NT5C3A: variants seen among roughly 807,000 people sequenced by gnomAD.
The protein encoded by NT5C3A is cytosolic 5'-nucleotidase 3A.
A neutral mutation model predicts 40.0 loss-of-function variants in NT5C3A; 23 were observed. The ratio of observed to expected loss-of-function variants is 0.58; its 90% confidence interval spans 0.41 to 0.81. The LOEUF (loss-of-function observed/expected upper bound fraction) is 0.81, where lower values mean the gene tolerates loss of function less well. Among genes scored for constraint, NT5C3A ranks in the 40% least tolerant of loss-of-function variants. NT5C3A has a pLI of 0.00. For synonymous variants in NT5C3A, 130 were observed against 141.4 expected (o/e 0.92, Z 0.57); for missense variants, 328 against 403.0 (o/e 0.81, Z 1.59).
intron 1 of NT5C3A, among the ~76,000 whole-genome samples, chr7:33,048,878 G>A (rs1787256922): frequency 6.6e-6 from 1 of 152,024 alleles, no homozygotes; most frequent in African/African-American, 2.4e-5. Context: ...CAAATCTGAG[G>A]GCTCAAATGG....
intron 1 of NT5C3A, among the ~76,000 whole-genome samples, chr7:33,031,812 CATTT>C (rs1273357611): frequency 2.6e-5 from 4 of 151,692 alleles, no homozygotes; most frequent in Non-Finnish European, 4.4e-5. Context: ...ATATGAGTTT[CATTT>C]ATTTATTATT....
At chr7:33,033,204 A>G (rs1018822819) in intron 1 of NT5C3A, among the ~76,000 whole-genome samples, 8 of 152,232 alleles carry the variant, frequency 5.3e-5, no homozygotes, top group Admixed American at 2.6e-4. Context: ...GGTAGCAACA[A>G]AAGACTTCAT....
In NT5C3A at chr7:33,014,558, T is replaced by G; in HGVS notation, c.*172A>C. The G allele has an allele frequency of 1.1e-6, 1 of 902,086 alleles. No homozygotes were observed. The highest frequency in any genetic ancestry group is 1.7e-6 in the Non-Finnish European group (1 of 582,482). The allele number at this position is 902,086 out of a possible 1,614,324, so 55.9% of individuals were successfully genotyped here. Reference sequence around the variant, plus strand: ...ACGGTGAGGAGTGTGTTGAGAGAGGTGGAGAAAAGGAGCTTCCAGTCAATG... The same window carrying G: ...ACGGTGAGGAGTGTGTTGAGAGAGGGGGAGAAAAGGAGCTTCCAGTCAATG... On this transcript the variant is annotated 3_prime_UTR_variant, in exon 9 of 9. Coordinates refer to ENST00000610140, the MANE Select transcript of NT5C3A (RefSeq NM_001002010.5).
At chr7:33,061,015 T>C (rs1787753833) in intron 1 of NT5C3A, among the ~76,000 whole-genome samples, 1 of 152,272 alleles carries the variant, frequency 6.6e-6, no homozygotes, top group Admixed American at 6.5e-5. Context: ...CTTCATTATT[T>C]GTCACAAAGA....
intron 1 of NT5C3A, chr7:33,039,036 T>C (rs1786763827): frequency 2.3e-5 from 9 of 394,044 alleles, no homozygotes; most frequent in South Asian, 1.7e-4. Context: ...TTGTATGAGA[T>C]TAAGGTCTCT....
At chr7:33,018,385 T>C (rs538661969) in intron 6 of NT5C3A, among the ~76,000 whole-genome samples, 2 of 152,356 alleles carry the variant, frequency 1.3e-5, no homozygotes, top group South Asian at 2.1e-4. Flanking sequence ...AGAATGCTAA[T>C]GTTGCCTACT....
At chr7:33,052,942 G>C (rs193243466) in intron 1 of NT5C3A, among the ~76,000 whole-genome samples, 11 of 152,250 alleles carry the variant, frequency 7.2e-5, no homozygotes, top group African/African-American at 2.6e-4. Context: ...AGTACCATTG[G>C]TGTAAAACAC....
At chr7:33,042,748 A>C (rs1029608414) in intron 1 of NT5C3A, among the ~76,000 whole-genome samples, 1 of 152,220 alleles carries the variant, frequency 6.6e-6, no homozygotes, top group Admixed American at 6.5e-5. Context: ...CCTTTGACAC[A>C]TCAATTTTGT....
chr7:33,055,601 T>A (rs1005372754), intron 1 of NT5C3A, among the ~76,000 whole-genome samples: 1 of 152,174 alleles, frequency 6.6e-6, no homozygotes, highest in Non-Finnish European at 1.5e-5. Flanking sequence ...GCCTGAAACA[T>A]GGACGCATTG....
intron 1 of NT5C3A, chr7:33,029,398 T>C (rs942532594): frequency 3.0e-6 from 1 of 336,282 alleles, no homozygotes. Flanking sequence ...ACTGCTGTTT[T>C]GGAATATCAC....
Position 33,026,840 on chromosome 7 carries a change from T to C in NT5C3A, c.214A>G (p.Lys72Glu). ...RVEEIICGLIKGGAAKLQIIT... is the reference protein window; with the variant it reads ...RVEEIICGLIEGGAAKLQIIT... The stretch of plus-strand genomic sequence containing the variant: ...ACCTGAAGTTTGGCAGCTCCTCCTT[T>C]GATAAGACCACAGATAATTTCTTCT... Residue 72 changes from lysine (K) to glutamate (E), a missense_variant, in exon 2 of 9, where the codon AAA becomes GAA. Coordinates refer to ENST00000610140, the MANE Select transcript of NT5C3A (RefSeq NM_001002010.5). The C allele has an allele frequency of 6.2e-7, 1 of 1,611,726 alleles. No individual in the cohort carries two copies. The highest frequency in any genetic ancestry group is 8.5e-7 in the Non-Finnish European group (1 of 1,179,384).
At chr7:33,014,907 T>C (rs1785242067) in intron 8 of NT5C3A, 76 bp from the exon 9 acceptor site, 2 of 1,272,098 alleles carry the variant, frequency 1.6e-6, no homozygotes, top group South Asian at 2.5e-5. Flanking sequence ...ATCTCGTTGT[T>C]AGATCTCTTG....
chr7:33,025,126 A>G (rs1179416055), intron 2 of NT5C3A, among the ~76,000 whole-genome samples: 1 of 152,164 alleles, frequency 6.6e-6, no homozygotes, highest in Non-Finnish European at 1.5e-5. Context: ...GCGACAGAAT[A>G]AGACTCCATC....
Position 33,052,852 on chromosome 7 carries a change from G to A in NT5C3A, c.138+9716C>T, listed in dbSNP as rs188591896. On this transcript the variant is annotated intron_variant, in intron 1 of 8. Coordinates refer to ENST00000610140, the MANE Select transcript of NT5C3A (RefSeq NM_001002010.5). ...CCAACCTCAAAGTTTCTGATTGTTT[G>A]TCTGGAGTAGGACTAGATAACTCGC... Among the ~76,000 whole-genome samples, 11 of 152,300 alleles carry A rather than the reference G, an allele frequency of 7.2e-5. No individual in the cohort carries two copies. The East Asian group carries it at 2.1e-3, about 29-fold the overall frequency.
chr7:33,022,966 G>A (rs919394211), intron 3 of NT5C3A, among the ~76,000 whole-genome samples: 1 of 150,224 alleles, frequency 6.7e-6, no homozygotes, highest in Non-Finnish European at 1.5e-5. Context: ...CATCCAGGCT[G>A]GAGTGCAGTG....
chr7:33,029,340 T>A (rs1370482246), intron 1 of NT5C3A: 1 of 257,046 alleles, frequency 3.9e-6, no homozygotes, highest in Admixed American at 4.9e-5. Flanking sequence ...GCTAGGGATA[T>A]GATGATGAGT....
intron 7 of NT5C3A, among the ~76,000 whole-genome samples, chr7:33,016,290 C>T (rs1477915071): frequency 6.8e-6 from 1 of 148,022 alleles, no homozygotes; most frequent in East Asian, 2.0e-4. Context: ...AGGAGAATCG[C>T]CTGAACCCAG....
At chr7:33,061,813 G>C (rs1787789612) in intron 1 of NT5C3A, among the ~76,000 whole-genome samples, 1 of 152,180 alleles carries the variant, frequency 6.6e-6, no homozygotes, top group African/African-American at 2.4e-5. Flanking sequence ...GTCTTCCTGA[G>C]TGGGTTCTAA....
rs1160837035 is a variant in NT5C3A, at chr7:33,047,897, C to A, written c.138+14671G>T. Among the ~76,000 whole-genome samples the A allele has an allele frequency of 3.3e-5, 5 of 152,092 alleles. No individual in the cohort carries two copies. The East Asian group carries it at 9.6e-4, about 29-fold the overall frequency. Reference sequence around the variant, plus strand: ...AGTGCAGTGGTATGATCTTAGCTTACCAGCCTCAACCTTCTGGGGTCAAGT... The same window carrying A: ...AGTGCAGTGGTATGATCTTAGCTTAACAGCCTCAACCTTCTGGGGTCAAGT... On this transcript the variant is annotated intron_variant, in intron 1 of 8. Transcript: ENST00000610140.
Sources: gnomAD v4.1 joint callset for allele counts (sites outside exome capture counted in the v4.1 genomes callset) on GRCh38, gnomAD v4.1.1 for gene constraint, MANE v1.5 for transcripts, NCBI Gene and HGNC (gene_info 2026-07-23, HGNC 2026-07-21) for gene names.